TAF1L: variants seen among roughly 807,000 people sequenced by gnomAD.
The protein encoded by TAF1L is transcription initiation factor TFIID subunit 1-like.
Under a neutral mutation model 128.8 loss-of-function variants are expected in TAF1L, and 30 were observed. That is an observed-to-expected ratio of 0.23 (90% CI 0.17 to 0.32). The LOEUF is 0.32. TAF1L is among the 10% of genes least tolerant of loss of function. TAF1L has a pLI of 1.00. For missense variants in TAF1L, 2,099 were observed against 2,253.7 expected (o/e 0.93, Z 1.39); for synonymous variants, 764 against 790.7 (o/e 0.97, Z 0.57).
In TAF1L at chr9:32,634,047, G is replaced by C. The variant is rs1306057554; in HGVS notation, c.1533C>G (p.Pro511=). 3 of 1,614,022 alleles carry C rather than the reference G, an allele frequency of 1.9e-6. No homozygotes were observed. Among genetic ancestry groups the C allele is most frequent in the Non-Finnish European group, 2.5e-6 (3 of 1,180,048 alleles). ...DNIIWDAQAM[P]RLLEPPVLAL... Reference sequence around the variant, plus strand: ...CCAAAACAGGAGGTTCCAACAGCCGGGGCATGGCCTGAGCATCCCAAATGA... The same window carrying C: ...CCAAAACAGGAGGTTCCAACAGCCGCGGCATGGCCTGAGCATCCCAAATGA... The change falls in exon 1 of 1, where the codon CCC becomes CCG. Residue 511 remains proline, a synonymous_variant. Coordinates refer to ENST00000242310, the MANE Select transcript of TAF1L (RefSeq NM_153809.2).
At position 32,633,201 on chromosome 9, in the gene TAF1L, C is replaced by T. The variant is rs375958919; in HGVS notation, c.2379G>A (p.Arg793=). Residue 793 remains arginine, a synonymous_variant, in exon 1 of 1, where the codon CGG becomes CGA. Transcript: ENST00000242310. ...CAACCACAAAAATATCCACTAATTC[C>T]CGAATATAGTAACCCTGTCTTGTCC... The part of the protein sequence containing the change: ...IIRTRQGYYI[R]ELVDIFVVGQ... 6.2e-7 allele frequency: 1 copy of T among 1,614,152 alleles called. No individual in the cohort carries two copies. Among genetic ancestry groups the T allele is most frequent in the African/African-American group, 1.3e-5 (1 of 75,034 alleles).
chr9:32,631,324 G>A lies in TAF1L; in HGVS notation c.4256C>T (p.Pro1419Leu), dbSNP rs2119084323. Residue 1419 changes from proline to leucine, a missense_variant, in exon 1 of 1, where the codon CCA becomes CTA. Physicochemically the swap from Pro to Leu is moderately conservative, Grantham distance 98. Coordinates refer to ENST00000242310, the MANE Select transcript of TAF1L (RefSeq NM_153809.2). This position sits in a 1 kb window ranked among gnomAD's most constrained non-coding sequence, Gnocchi z 4.1. ...ESIINDMRDL[P>L]NTHPFHTPVN... is the part of the protein sequence containing the mutation. ...TGGAGTGTGGAAAGGGTGTGTATTT[G>A]GAAGATCTCTCATGTCATTGATGAT... is the stretch of plus-strand genomic sequence containing the variant. 6.2e-7 allele frequency: 1 copy of A among 1,614,122 alleles called. No individual in the cohort carries two copies. Among genetic ancestry groups the A allele is most frequent in the Non-Finnish European group, 8.5e-7 (1 of 1,180,028 alleles).
At position 32,634,864 on chromosome 9, in the gene TAF1L, G is replaced by A; in HGVS notation, c.716C>T (p.Ala239Val). ...GGTGACACTTGGCAACAGCTTGGTG[G>A]CATCATGCTGCATAATCCCAGCCAA... The part of the protein sequence containing the change: ...LPLAGIMQHD[A>V]TKLLPSVTEL... The change falls in exon 1 of 1, where the codon GCC becomes GTC. Residue 239 changes from alanine (A) to valine (V), a missense_variant. Physicochemically the swap from Ala to Val is moderately conservative, Grantham distance 64. Coordinates refer to ENST00000242310, the MANE Select transcript of TAF1L (RefSeq NM_153809.2). The A allele has an allele frequency of 6.2e-7, 1 of 1,614,188 alleles. No homozygotes were observed. The highest frequency in any genetic ancestry group is 1.1e-5 in the South Asian group (1 of 91,084).
In TAF1L at chr9:32,632,722, G is replaced by C; in HGVS notation, c.2858C>G (p.Thr953Ser). 1.2e-6 allele frequency: 2 copies of C among 1,614,214 alleles called. No homozygotes were observed. The highest frequency in any genetic ancestry group is 1.7e-6 in the Non-Finnish European group (2 of 1,180,038). The change falls in exon 1 of 1, where the codon ACC becomes AGC. Residue 953 changes from threonine to serine, a missense_variant. Transcript: ENST00000242310. This position sits in a 1 kb window ranked among gnomAD's most constrained non-coding sequence, Gnocchi z 4.4. ...CATGGCAGCAATGAAGGCCCTTGTGGTGTTCCAAGGAGCAGCGTGAACTTC... is the reference window on the plus strand; with the variant it reads ...CATGGCAGCAATGAAGGCCCTTGTGCTGTTCCAAGGAGCAGCGTGAACTTC... ...DDEVHAAPWN[T>S]TRAFIAAMKG...
rs368897199 is a variant in TAF1L at position 32,631,920 on chromosome 9, T to C, written c.3660A>G (p.Lys1220=). Residue 1220 remains lysine, a synonymous_variant, in exon 1 of 1, where the codon AAA becomes AAG. Coordinates refer to ENST00000242310, the MANE Select transcript of TAF1L (RefSeq NM_153809.2). The surrounding 1 kb of genome is among the most constrained non-coding windows in gnomAD (Gnocchi z 4.1). ...CAAATTTTTGAATGAATTTCTCATC[T>C]TTTGTAGTCCGTATGCGCACATAGG... ...IDAYVRIRTT[K]DEKFIQKFAL... 3 of 1,614,136 alleles carry C rather than the reference T, an allele frequency of 1.9e-6. No individual in the cohort carries two copies. Among genetic ancestry groups the C allele is most frequent in the Non-Finnish European group, 2.5e-6 (3 of 1,180,050 alleles).
In TAF1L at chr9:32,630,240, T is replaced by C. The variant is rs750348291; in HGVS notation, c.5340A>G (p.Glu1780=). Residue 1780 remains glutamate, a synonymous_variant, in exon 1 of 1, where the codon GAA becomes GAG. Transcript: ENST00000242310. The stretch of plus-strand genomic sequence containing the variant: ...TAGCAGAGAAAGGATTGTCTCCTTC[T>C]TCGTCACTCCCAGCATCTTCCTCAT... ...EDDEEDAGSD[E]EGDNPFSAIQ... 4 of 1,614,132 alleles carry C rather than the reference T, an allele frequency of 2.5e-6. No individual in the cohort carries two copies. The highest frequency in any genetic ancestry group is 1.1e-5 in the South Asian group (1 of 91,086).
In TAF1L at chr9:32,635,337, C is replaced by T. The variant is rs1298518857; in HGVS notation, c.243G>A (p.Thr81=). 7 of 1,614,114 alleles carry T rather than the reference C, an allele frequency of 4.3e-6. No individual in the cohort carries two copies. The highest frequency in any genetic ancestry group is 2.2e-5 in the South Asian group (2 of 91,074). The change falls in exon 1 of 1, where the codon ACG becomes ACA. Residue 81 remains threonine (T), a synonymous_variant. Transcript: ENST00000242310. ...LGLGSLITEL[T]ANEELTGTGG... is the part of the protein sequence containing the mutation. ...CAGTCCCAGTCAATTCTTCATTTGC[C>T]GTGAGTTCAGTGATTAGGCTGCCCA... is the stretch of plus-strand genomic sequence containing the variant.
chr9:32,634,980 C>A lies in TAF1L; in HGVS notation c.600G>T (p.Val200=). 1 of 1,614,104 alleles carries A rather than the reference C, an allele frequency of 6.2e-7. No individual in the cohort carries two copies. ...IAPSFLASEK[V]DFSSYSDSES... ...CTGAATCAGAGTAACTACTGAAATC[C>A]ACTTTCTCTGAGGCCAAAAAGGAAG... Residue 200 remains valine, a synonymous_variant, in exon 1 of 1, where the codon GTG becomes GTT. Coordinates refer to ENST00000242310, the MANE Select transcript of TAF1L (RefSeq NM_153809.2).
In TAF1L at chr9:32,631,453, C is replaced by T. The variant is rs773013100; in HGVS notation, c.4127G>A (p.Arg1376Gln). Residue 1376 changes from arginine to glutamine, a missense_variant, in exon 1 of 1, where the codon CGA (arginine) becomes CAA (glutamine). Transcript: ENST00000242310. The surrounding 1 kb of genome is among the most constrained non-coding windows in gnomAD (Gnocchi z 4.1). ...GTCACAATGAACAGTGGTTCCAACT[C>T]GCCGTTTCTTCTTTGGAGGAAGCTG... ...KQQLPPKKKRRVGTTVHCDYL... is the reference protein window; with the variant it reads ...KQQLPPKKKRQVGTTVHCDYL... The T allele has an allele frequency of 4.3e-6, 7 of 1,614,154 alleles. No individual in the cohort carries two copies. Among genetic ancestry groups the T allele is most frequent in the Non-Finnish European group, 5.1e-6 (6 of 1,180,032 alleles).
In TAF1L at chr9:32,634,723, C is replaced by A; in HGVS notation, c.857G>T (p.Arg286Leu). Residue 286 changes from arginine to leucine, a missense_variant, in exon 1 of 1, where the codon CGT becomes CTT. By Grantham distance (102) the Arg-to-Leu change is moderately radical. Around this residue, in one of 4 missense-constraint regions of TAF1L, gnomAD observed 473 missense variants for 429.6 expected, o/e 1.10. Transcript: ENST00000242310. The part of the protein sequence containing the change: ...RSARRKRKKH[R>L]ELIQEEQIQE... Reference sequence around the variant, plus strand: ...GATCTGCTCTTCCTGTATCAGCTCACGATGCTTCTTCCTCTTTCTCCGAGC... The same window carrying A: ...GATCTGCTCTTCCTGTATCAGCTCAAGATGCTTCTTCCTCTTTCTCCGAGC... 6.2e-7 allele frequency: 1 copy of A among 1,614,170 alleles called. No individual in the cohort carries two copies. Among genetic ancestry groups the A allele is most frequent in the Non-Finnish European group, 8.5e-7 (1 of 1,180,034 alleles).
At position 32,633,247 on chromosome 9, in the gene TAF1L, T is replaced by C. The variant is rs762078548; in HGVS notation, c.2333A>G (p.Glu778Gly). The C allele has an allele frequency of 6.2e-7, 1 of 1,614,208 alleles. No individual in the cohort carries two copies. The highest frequency in any genetic ancestry group is 8.5e-7 in the Non-Finnish European group (1 of 1,180,046). ...RAPVYLHKMP[E>G]TDFLIIRTRQ... ...TGTCCGAATGATCAGAAAATCAGTTTCTGGCATCTTATGAAGATACACTGG... is the reference window on the plus strand; with the variant it reads ...TGTCCGAATGATCAGAAAATCAGTTCCTGGCATCTTATGAAGATACACTGG... The change falls in exon 1 of 1, where the codon GAA becomes GGA. Residue 778 changes from glutamate (E) to glycine (G), a missense_variant. Glu to Gly is a moderately conservative substitution (Grantham distance 98). Coordinates refer to ENST00000242310, the MANE Select transcript of TAF1L (RefSeq NM_153809.2).
rs1822520190 is a variant in TAF1L, at chr9:32,631,710, T to C, written c.3870A>G (p.Gly1290=). The change falls in exon 1 of 1, where the codon GGA becomes GGG. Residue 1290 remains glycine (G), a synonymous_variant. Transcript: ENST00000242310. This position sits in a 1 kb window ranked among gnomAD's most constrained non-coding sequence, Gnocchi z 4.1. ...KLKCGACGAI[G]HMRTNKFCPL... is the part of the protein sequence containing the mutation. ...GGCAGAATTTGTTAGTCCTCATATG[T>C]CCAATGGCACCACATGCCCCACATT... The C allele has an allele frequency of 6.2e-7, 1 of 1,614,154 alleles. No homozygotes were observed. Among genetic ancestry groups the C allele is most frequent in the East Asian group, 2.2e-5 (1 of 44,888 alleles).
rs761429692 is a variant in TAF1L, at chr9:32,634,820, G to C, written c.760C>G (p.Arg254Gly). 1.9e-6 allele frequency: 3 copies of C among 1,614,110 alleles called. No homozygotes were observed. In the Admixed American group the frequency reaches 5.0e-5, roughly 27 times the overall value. The change falls in exon 1 of 1, where the codon CGA becomes GGA. Residue 254 changes from arginine (R) to glycine (G), a missense_variant. Around this residue, in one of 4 missense-constraint regions of TAF1L, gnomAD observed 473 missense variants for 429.6 expected, o/e 1.10. Coordinates refer to ENST00000242310, the MANE Select transcript of TAF1L (RefSeq NM_153809.2). ...PSVTELFPEF[R>G]PGKVLRFLHL... Reference sequence around the variant, plus strand: ...AGGAAGCGTAACACTTTTCCAGGTCGAAATTCTGGAAAAAGTTCGGTGACA... The same window carrying C: ...AGGAAGCGTAACACTTTTCCAGGTCCAAATTCTGGAAAAAGTTCGGTGACA...
Position 32,631,016 on chromosome 9 carries a change from C to A in TAF1L, c.4564G>T (p.Asp1522Tyr). 6.2e-7 allele frequency: 1 copy of A among 1,614,180 alleles called. No homozygotes were observed. The highest frequency in any genetic ancestry group is 1.1e-5 in the South Asian group (1 of 91,082). Residue 1522 changes from aspartate (D) to tyrosine (Y), a missense_variant, in exon 1 of 1, where the codon GAC becomes TAC. Around this residue, in one of 4 missense-constraint regions of TAF1L, gnomAD observed 404 missense variants for 406.5 expected, o/e 0.99. Coordinates refer to ENST00000242310, the MANE Select transcript of TAF1L (RefSeq NM_153809.2). The surrounding 1 kb of genome is among the most constrained non-coding windows in gnomAD (Gnocchi z 4.1). ...KAINPLLDDD[D>Y]QVAFSFILDN... ...AGAATGAAAGAAAATGCCACTTGGTCATCATCATCCAGCAAGGGGTTGATA... is the reference window on the plus strand; with the variant it reads ...AGAATGAAAGAAAATGCCACTTGGTAATCATCATCCAGCAAGGGGTTGATA...
Position 32,630,431 on chromosome 9 carries a change from CAG to C in TAF1L, c.5147_5148del (p.Ser1716Ter), listed in dbSNP as rs1268409320. On this transcript the variant is annotated frameshift_variant, in exon 1 of 1. Transcript: ENST00000242310. LOFTEE classifies it high-confidence loss of function. Reference sequence around the variant, plus strand: ...TCATCATACCCTTCAACATCCACATCAGAGTCTTCCTCACCCAGCCTACCTTG... The same window carrying C: ...TCATCATACCCTTCAACATCCACATCAGTCTTCCTCACCCAGCCTACCTTG... ...QGQGRLGEED[S>X]DVDVEGYDDE... 1 of 1,614,230 alleles carries C rather than the reference CAG, an allele frequency of 6.2e-7. No homozygotes were observed. The highest frequency in any genetic ancestry group is 2.2e-5 in the East Asian group (1 of 44,880).
At position 32,634,418 on chromosome 9, in the gene TAF1L, TCA is replaced by T; in HGVS notation, c.1160_1161del (p.Leu387GlnfsTer6). On this transcript the variant is annotated frameshift_variant, in exon 1 of 1. Coordinates refer to ENST00000242310, the MANE Select transcript of TAF1L (RefSeq NM_153809.2). LOFTEE classifies it high-confidence loss of function. ...DGSGFDYGFK[L>X]RKTQHEPVIK... ...ATCACAGGTTCATGTTGTGTCTTTCTCAGTTTGAAGCCATAGTCAAACCCACT... is the reference window on the plus strand; with the variant it reads ...ATCACAGGTTCATGTTGTGTCTTTCTGTTTGAAGCCATAGTCAAACCCACT... The T allele has an allele frequency of 6.2e-7, 1 of 1,614,222 alleles. No homozygotes were observed. Among genetic ancestry groups the T allele is most frequent in the Middle Eastern group, 1.6e-4 (1 of 6,062 alleles).
Position 32,633,624 on chromosome 9 carries a change from G to A in TAF1L, c.1956C>T (p.Pro652=), listed in dbSNP as rs759642368. The A allele has an allele frequency of 6.2e-7, 1 of 1,613,994 alleles. No homozygotes were observed. ...GCTTTAGCAAAGGTTGGACTGAATG[G>A]GGACCTGGCTGAGAGAGTGCACCAA... is the stretch of plus-strand genomic sequence containing the variant. ...YSFGALSQPG[P]HSVQPLLKHI... is the part of the protein sequence containing the mutation. Residue 652 remains proline, a synonymous_variant, in exon 1 of 1, where the codon CCC becomes CCT. Transcript: ENST00000242310.
In TAF1L at chr9:32,632,668, C is replaced by T; in HGVS notation, c.2912G>A (p.Gly971Glu). 1 of 1,614,160 alleles carries T rather than the reference C, an allele frequency of 6.2e-7. No individual in the cohort carries two copies. Among genetic ancestry groups the T allele is most frequent in the Non-Finnish European group, 8.5e-7 (1 of 1,180,038 alleles). Reference sequence around the variant, plus strand: ...ACCACACCCTGTGGGATCTGCCACCCCAGTCACCTCTAGGAGACACTTGCC... The same window carrying T: ...ACCACACCCTGTGGGATCTGCCACCTCAGTCACCTCTAGGAGACACTTGCC... ...MKGKCLLEVT[G>E]VADPTGCGEG... The change falls in exon 1 of 1, where the codon GGG becomes GAG. Residue 971 changes from glycine (G) to glutamate (E), a missense_variant. Physicochemically the swap from Gly to Glu is moderately conservative, Grantham distance 98 (BLOSUM62 -2). This residue lies in a region of TAF1L where 1,213 missense variants were observed against 1,391.4 expected (regional missense o/e 0.87). Coordinates refer to ENST00000242310, the MANE Select transcript of TAF1L (RefSeq NM_153809.2). This position sits in a 1 kb window ranked among gnomAD's most constrained non-coding sequence, Gnocchi z 4.4.
At position 32,633,877 on chromosome 9, in the gene TAF1L, C is replaced by G. The variant is rs1181320218; in HGVS notation, c.1703G>C (p.Arg568Thr). The G allele has an allele frequency of 6.2e-7, 1 of 1,614,220 alleles. No individual in the cohort carries two copies. The highest frequency in any genetic ancestry group is 1.3e-5 in the African/African-American group (1 of 75,062). ...RILLGKTGVIREEPQQNMSQP... is the reference protein window; with the variant it reads ...RILLGKTGVITEEPQQNMSQP... The stretch of plus-strand genomic sequence containing the variant: ...AGACATGTTCTGCTGTGGTTCCTCC[C>G]TGATGACACCTGTTTTGCCCAAGAG... The change falls in exon 1 of 1, where the codon AGG becomes ACG. Residue 568 changes from arginine (R) to threonine (T), a missense_variant. Arg to Thr is a moderately conservative substitution (Grantham distance 71). This residue lies in a region of TAF1L where 1,213 missense variants were observed against 1,391.4 expected (regional missense o/e 0.87). Transcript: ENST00000242310.
Sources: allele counts gnomAD v4.1 joint callset, GRCh38; gene constraint gnomAD v4.1.1; regional missense constraint gnomAD v4.1.1; non-coding constraint Gnocchi (gnomAD v3.1); transcripts MANE v1.5; gene names NCBI Gene and HGNC (gene_info 2026-07-23, HGNC 2026-07-21).